The following CNTLN variants were observed in gnomAD, a reference collection of about 807,000 sequenced individuals.
CNTLN encodes the protein centlein.
A neutral mutation model predicts 180.0 loss-of-function variants in CNTLN; 212 were observed. That is an observed-to-expected ratio of 1.18 (90% CI 1.05 to 1.32). CNTLN has a LOEUF of 1.32. CNTLN is among the 40% of genes most tolerant of loss of function. The probability of loss-of-function intolerance (pLI) is 0.00; values close to 1 mark genes in which losing one functional copy is unlikely to be tolerated. For synonymous variants in CNTLN, 722 were observed against 563.1 expected (o/e 1.28, Z -3.99); for missense variants, 2,095 against 1,610.9 (o/e 1.30, Z -5.14).
intron 15 of CNTLN, among the ~76,000 whole-genome samples, chr9:17,400,977 A>G (rs189184110): frequency 6.6e-6 from 1 of 152,276 alleles, no homozygotes; most frequent in Admixed American, 6.5e-5. Flanking sequence ...TAATCTTGGA[A>G]ATTTTTATAC....
At chr9:17,224,605 C>T (rs896053563) in intron 2 of CNTLN, among the ~76,000 whole-genome samples, 1 of 151,976 alleles carries the variant, frequency 6.6e-6, no homozygotes, top group Admixed American at 6.6e-5. Flanking sequence ...TCCCTTATTT[C>T]ACTAATCTCT....
intron 8 of CNTLN, among the ~76,000 whole-genome samples, chr9:17,317,552 A>G (rs1819613510): frequency 7.2e-6 from 1 of 138,850 alleles, no homozygotes; most frequent in South Asian, 2.8e-4. Context: ...TCAGAGGGTT[A>G]CCATCTGATA....
chr9:17,514,769 C>G, the CNTLN span, among the ~76,000 whole-genome samples: 2 of 152,190 alleles, frequency 1.3e-5, no homozygotes, highest in Non-Finnish European at 2.9e-5. Context: ...TGGCATGCCA[C>G]TGAGATTTTG....
rs529451735 is a variant in CNTLN, at chr9:17,362,845, C to T, written c.1887-3772C>T. On this transcript the variant is annotated intron_variant, in intron 12 of 25. Coordinates refer to ENST00000380647, the MANE Select transcript of CNTLN (RefSeq NM_017738.4). The stretch of plus-strand genomic sequence containing the variant: ...TGGTGGTTTGCTGCACCCATCAACC[C>T]ATCATCTACATTAAGTATTTCTCCT... Among the ~76,000 whole-genome samples, 3 of 152,202 alleles carry T rather than the reference C, an allele frequency of 2.0e-5. No homozygotes were observed. The South Asian group carries it at 6.2e-4, about 32-fold the overall frequency.
chr9:17,342,224 A>G, intron 11 of CNTLN, 101 bp from the exon 12 acceptor site: 4 of 1,164,226 alleles, frequency 3.4e-6, no homozygotes, highest in Non-Finnish European at 4.9e-6. Flanking sequence ...CGAGTTAGAA[A>G]TTTGGTCAAT....
rs574643504 is a variant in CNTLN at position 17,300,415 on chromosome 9, C to A, written c.1146+2063C>A. 2.6e-5 allele frequency: 4 copies of A among 152,230 alleles called. No homozygotes were observed. The South Asian group carries it at 8.3e-4, about 32-fold the overall frequency. The allele number at this position is 152,230 out of a possible 1,614,324, so 9.4% of individuals were successfully genotyped here. Reference sequence around the variant, plus strand: ...TAATTGCCTACTTAATATCTCTTCACTTGGATTCCTAATGGGCATCTCATA... The same window carrying A: ...TAATTGCCTACTTAATATCTCTTCAATTGGATTCCTAATGGGCATCTCATA... On this transcript the variant is annotated intron_variant, in intron 7 of 25. Coordinates refer to ENST00000380647, the MANE Select transcript of CNTLN (RefSeq NM_017738.4).
At chr9:17,318,231 G>A (rs1047462673) in intron 8 of CNTLN, among the ~76,000 whole-genome samples, 5 of 151,702 alleles carry the variant, frequency 3.3e-5, no homozygotes, top group African/African-American at 9.7e-5. Context: ...GGGTTTCACC[G>A]TGTTAGCCAA....
intron 5 of CNTLN, among the ~76,000 whole-genome samples, chr9:17,255,186 A>G (rs137995594): frequency 1.0e-3 from 159 of 151,844 alleles, no homozygotes; most frequent in African/African-American, 3.5e-3. Context: ...TTTTTCTTGC[A>G]TAGTTGCTCT....
chr9:17,370,423 A>T (rs112806597), intron 13 of CNTLN, among the ~76,000 whole-genome samples: 18 of 152,116 alleles, frequency 1.2e-4, no homozygotes, highest in African/African-American at 4.4e-4. Context: ...GCTGAAGGAA[A>T]AAACAACAAC....
chr9:17,388,395 G>A, intron 14 of CNTLN, 142 bp downstream of exon 14: 1 of 570,984 alleles, frequency 1.8e-6, no homozygotes, highest in Non-Finnish European at 3.1e-6. Context: ...TCATTGGCTT[G>A]CCAAAATGGG....
intron 6 of CNTLN, among the ~76,000 whole-genome samples, chr9:17,296,400 C>G (rs1457164730): frequency 6.6e-6 from 1 of 152,048 alleles, no homozygotes; most frequent in Non-Finnish European, 1.5e-5. Context: ...TTCGGGCCTT[C>G]TCATTAAGAA....
intron 8 of CNTLN, among the ~76,000 whole-genome samples, chr9:17,324,221 A>G (rs1033997386): frequency 6.6e-6 from 1 of 152,216 alleles, no homozygotes; most frequent in Non-Finnish European, 1.5e-5. Flanking sequence ...GAAGTCACAT[A>G]TTTAGAGATA....
At chr9:17,167,365 C>G (rs903304929) in intron 2 of CNTLN, 1 of 152,336 alleles carries the variant, frequency 6.6e-6, no homozygotes, top group Admixed American at 6.5e-5. Context: ...TGCCTCTTAT[C>G]TTTCACATGA....
intron 5 of CNTLN, among the ~76,000 whole-genome samples, chr9:17,258,220 T>C (rs371599656): frequency 4.5e-4 from 65 of 144,236 alleles, no homozygotes; most frequent in African/African-American, 1.3e-3. Flanking sequence ...CCCAGCACCA[T>C]TTATTAAATA....
the CNTLN span, among the ~76,000 whole-genome samples, chr9:17,518,430 C>G: frequency 6.6e-6 from 1 of 152,128 alleles, no homozygotes; most frequent in Non-Finnish European, 1.5e-5. Context: ...ATTAGAATAT[C>G]TAAGTTTTAA....
intron 15 of CNTLN, among the ~76,000 whole-genome samples, chr9:17,404,244 A>G (rs1330673284): frequency 6.6e-6 from 1 of 151,806 alleles, no homozygotes; most frequent in African/African-American, 2.4e-5. Flanking sequence ...GTTAGGGTAT[A>G]TGCCCTAAAC....
At chr9:17,216,915 G>C (rs972660378) in intron 2 of CNTLN, among the ~76,000 whole-genome samples, 2 of 152,230 alleles carry the variant, frequency 1.3e-5, no homozygotes, top group African/African-American at 4.8e-5. Context: ...CTGCCAGGCA[G>C]TTCCACCCAG....
intron 19 of CNTLN, among the ~76,000 whole-genome samples, chr9:17,461,529 A>G (rs1194305787): frequency 6.6e-6 from 1 of 151,740 alleles, no homozygotes. Flanking sequence ...AAATTATTTC[A>G]AATGTTTTAT....
chr9:17,176,540 T>C (rs1341020015), intron 2 of CNTLN, among the ~76,000 whole-genome samples: 2 of 152,224 alleles, frequency 1.3e-5, no homozygotes, highest in East Asian at 3.9e-4. Context: ...GATATTGGTG[T>C]ATAGCTTTCT....
Sources: allele counts gnomAD v4.1 joint callset (sites outside exome capture counted in the v4.1 genomes callset), GRCh38; gene constraint gnomAD v4.1.1; transcripts MANE v1.5; gene names NCBI Gene and HGNC (gene_info 2026-07-23, HGNC 2026-07-21).